Variants in TNPO2 observed in about 807,000 individuals in gnomAD.
TNPO2 encodes transportin-2.
A neutral mutation model predicts 111.1 loss-of-function variants in TNPO2; 16 were observed. That is an observed-to-expected ratio of 0.14 (90% CI 0.10 to 0.22). TNPO2 has a LOEUF of 0.22. Ranked by LOEUF, TNPO2 falls within the 10% of genes least tolerant of loss-of-function variation. TNPO2 has a pLI of 1.00. For synonymous variants in TNPO2, 481 were observed against 475.8 expected (o/e 1.01, Z -0.14); for missense variants, 530 against 1,173.7 (o/e 0.45, Z 8.01).
Position 12,700,697 on chromosome 19 carries a change from C to T in TNPO2, c.*567G>A, listed in dbSNP as rs1041958390. On this transcript the variant is annotated 3_prime_UTR_variant, in exon 26 of 26. Transcript: ENST00000425528. ...GTCACCGCCAATTCCGGCAAAACAG[C>T]AGAAGCTTCTTAAACTCTAGATGCA... is the stretch of plus-strand genomic sequence containing the variant. 1 of 135,742 alleles carries T rather than the reference C, an allele frequency of 7.4e-6. No homozygotes were observed. Among genetic ancestry groups the T allele is most frequent in the Admixed American group, 8.6e-5 (1 of 11,600 alleles). 8.4% of individuals were successfully genotyped at this position (135,742 alleles called of 1,614,324 possible). A position where few individuals can be genotyped will look rare whatever the true frequency, so the allele number is the denominator to read the frequency against.
At chr19:12,722,529 C>T (rs1327225675) in intron 2 of TNPO2, 1 of 135,076 alleles carries the variant, frequency 7.4e-6, no homozygotes, top group African/African-American at 2.9e-5. Context: ...TCCAGAGACT[C>T]GCGCGGAAGG....
In TNPO2 at chr19:12,719,795, T is replaced by C. The variant is rs2026568677; in HGVS notation, c.100-459A>G. Reference sequence around the variant, plus strand: ...GTCTGGGCGACAGAGCAAGACTCCATCTTGAAAAAAAAAAAAATCATACAA... The same window carrying C: ...GTCTGGGCGACAGAGCAAGACTCCACCTTGAAAAAAAAAAAAATCATACAA... On this transcript the variant is annotated intron_variant, in intron 3 of 25. Coordinates refer to ENST00000425528, the MANE Select transcript of TNPO2 (RefSeq NM_001382241.1). This position sits in a 1 kb window ranked among gnomAD's most constrained non-coding sequence, Gnocchi z 5.0. Among the ~76,000 whole-genome samples, 1 of 138,858 alleles carries C rather than the reference T, an allele frequency of 7.2e-6. No individual in the cohort carries two copies. The allele number at this position is 138,858 out of a possible 152,430, so 91.1% of individuals were successfully genotyped here. A position where few individuals can be genotyped will look rare whatever the true frequency, so the allele number is the denominator to read the frequency against.
At chr19:12,704,687 TTTC>T (rs2025531551) in intron 18 of TNPO2, among the ~76,000 whole-genome samples, 1 of 151,960 alleles carries the variant, frequency 6.6e-6, no homozygotes, top group Non-Finnish European at 1.5e-5. Context: ...TTTTCTTTTC[TTTC>T]TTTTTTTTTG....
intron 10 of TNPO2, among the ~76,000 whole-genome samples, chr19:12,713,149 T>C (rs916019307): frequency 3.3e-5 from 5 of 152,104 alleles, no homozygotes; most frequent in Non-Finnish European, 7.4e-5. Flanking sequence ...TAGCACAACA[T>C]TAAGGCAGGG....
At chr19:12,712,856 A>G (rs920534849) in intron 10 of TNPO2, among the ~76,000 whole-genome samples, 9 of 151,676 alleles carry the variant, frequency 5.9e-5, no homozygotes, top group African/African-American at 2.2e-4. Context: ...TTATTTCTAC[A>G]CTCTCTCATC....
In TNPO2 at chr19:12,702,213, G is replaced by A. The variant is rs545804517; in HGVS notation, c.2306-36C>T. The A allele has an allele frequency of 2.9e-5, 45 of 1,571,766 alleles. No individual in the cohort carries two copies. Among genetic ancestry groups the A allele is most frequent in the African/African-American group, 1.4e-4 (10 of 73,958 alleles). On this transcript the variant is annotated intron_variant, in intron 21 of 25. Transcript: ENST00000425528. This position sits in a 1 kb window ranked among gnomAD's most constrained non-coding sequence, Gnocchi z 5.5. ...GAGCGGCCCCGGGACGGTACGTGGC[G>A]GGGCCTCTGGCACAAGGCACCAAGC...
At position 12,721,086 on chromosome 19, in the gene TNPO2, G is replaced by A; in HGVS notation, c.-13-96C>T. ...AGGCCGCGGTGGCCGCATGACGACGGGAACGCCCTCGGCGGACAGGCGGAG... is the reference window on the plus strand; with the variant it reads ...AGGCCGCGGTGGCCGCATGACGACGAGAACGCCCTCGGCGGACAGGCGGAG... On this transcript the variant is annotated intron_variant, in intron 2 of 25. Coordinates refer to ENST00000425528, the MANE Select transcript of TNPO2 (RefSeq NM_001382241.1). This position sits in a 1 kb window ranked among gnomAD's most constrained non-coding sequence, Gnocchi z 4.9. The A allele has an allele frequency of 6.5e-7, 1 of 1,529,980 alleles. No individual in the cohort carries two copies. 94.8% of individuals were successfully genotyped at this position (1,529,980 alleles called of 1,614,324 possible).
rs1431559188 is a variant in TNPO2, at chr19:12,706,617, G to A, written c.1449C>T (p.Leu483=). The A allele has an allele frequency of 1.9e-6, 3 of 1,614,044 alleles. No individual in the cohort carries two copies. The highest frequency in any genetic ancestry group is 2.5e-6 in the Non-Finnish European group (3 of 1,179,940). Residue 483 remains leucine (L), a synonymous_variant, in exon 14 of 26, where the codon CTC becomes CTT. Transcript: ENST00000425528. The surrounding 1 kb of genome is among the most constrained non-coding windows in gnomAD (Gnocchi z 7.0). ...TCTTGTTGCCATCCAGGATGCGTTT[G>A]AGCAGCTCTGTCATCAGGGGCTTGA... ...MHLKPLMTEL[L]KRILDGNKRV...
chr19:12,723,008 G>C (rs926795137), intron 2 of TNPO2, among the ~76,000 whole-genome samples: 3 of 152,128 alleles, frequency 2.0e-5, no homozygotes, highest in Admixed American at 6.5e-5. Flanking sequence ...CTGTGTGTGC[G>C]CAAGGAAAGA....
chr19:12,711,929 C>T lies in TNPO2; in HGVS notation c.891-316G>A, dbSNP rs1018808904. Among the ~76,000 whole-genome samples, 71 of 150,902 alleles carry T rather than the reference C, an allele frequency of 4.7e-4. 1 individual carries two copies. Among genetic ancestry groups the T allele is most frequent in the African/African-American group, 1.6e-3 (66 of 41,008 alleles). On this transcript the variant is annotated intron_variant, in intron 10 of 25. Transcript: ENST00000425528. ...TGTGGGCGGCAAGCCACCCAGGCAC[C>T]GAGGCAAGAGACAGAGGACACGAGC...
Position 12,701,552 on chromosome 19 carries a change from C to G in TNPO2, c.2586+46G>C. The G allele has an allele frequency of 6.2e-7, 1 of 1,609,760 alleles. No homozygotes were observed. ...CCCCATTGTTACCAGATGGTCTCACCCCTGCCTGCTCCCGGAACTAGATCA... is the reference window on the plus strand; with the variant it reads ...CCCCATTGTTACCAGATGGTCTCACGCCTGCCTGCTCCCGGAACTAGATCA... On this transcript the variant is annotated intron_variant, in intron 24 of 25. Transcript: ENST00000425528. This position sits in a 1 kb window ranked among gnomAD's most constrained non-coding sequence, Gnocchi z 5.0.
chr19:12,710,703 G>C lies in TNPO2; in HGVS notation c.1188C>G (p.Leu396=), dbSNP rs1386152620. The C allele has an allele frequency of 5.0e-6, 8 of 1,613,688 alleles. No homozygotes were observed. Among genetic ancestry groups the C allele is most frequent in the Non-Finnish European group, 6.8e-6 (8 of 1,179,770 alleles). ...VFREELLPHL[L]PLLKGLLFHP... ...GGAAGAGGAGGCCTTTGAGTAGTGG[G>C]AGTAGGTGGGGCAGCAGTTCCTCCC... The change falls in exon 13 of 26, where the codon CTC becomes CTG. Residue 396 remains leucine, a synonymous_variant. Coordinates refer to ENST00000425528, the MANE Select transcript of TNPO2 (RefSeq NM_001382241.1).
rs968773945 is a variant in TNPO2, at chr19:12,701,225, C to T, written c.*39G>A. On this transcript the variant is annotated 3_prime_UTR_variant, in exon 26 of 26. Transcript: ENST00000425528. The surrounding 1 kb of genome is among the most constrained non-coding windows in gnomAD (Gnocchi z 5.0). ...GCGCACTCCCCAGTAATCCCTCCGA[C>T]GACGACGCAGACAGAAACCTGCAGG... is the stretch of plus-strand genomic sequence containing the variant. The T allele has an allele frequency of 1.2e-5, 9 of 775,574 alleles. No individual in the cohort carries two copies. Among genetic ancestry groups the T allele is most frequent in the Admixed American group, 2.7e-5 (1 of 37,596 alleles). 48.0% of individuals were successfully genotyped at this position (775,574 alleles called of 1,614,324 possible).
chr19:12,703,162 C>G (rs2025424756), intron 20 of TNPO2: 4 of 584,488 alleles, frequency 6.8e-6, no homozygotes, highest in Non-Finnish European at 9.1e-6. Flanking sequence ...ACACGCTGCC[C>G]AAGTCAAAGG....
intron 12 of TNPO2, among the ~76,000 whole-genome samples, chr19:12,711,087 G>A (rs750835988): frequency 4.6e-5 from 7 of 152,100 alleles, no homozygotes; most frequent in Non-Finnish European, 1.0e-4. Flanking sequence ...GTAGAGACGG[G>A]GTTTCACTGT....
Position 12,702,274 on chromosome 19 carries a change from G to A in TNPO2, c.2306-97C>T, listed in dbSNP as rs2025362119. Reference sequence around the variant, plus strand: ...GAGCCCCAAGGGAATGGCTACTGCAGCCACCCTGGTCCCCCAAGCTTGGCC... The same window carrying A: ...GAGCCCCAAGGGAATGGCTACTGCAACCACCCTGGTCCCCCAAGCTTGGCC... On this transcript the variant is annotated intron_variant, in intron 21 of 25. Coordinates refer to ENST00000425528, the MANE Select transcript of TNPO2 (RefSeq NM_001382241.1). This position sits in a 1 kb window ranked among gnomAD's most constrained non-coding sequence, Gnocchi z 5.5. 1 of 1,059,596 alleles carries A rather than the reference G, an allele frequency of 9.4e-7. No individual in the cohort carries two copies. The highest frequency in any genetic ancestry group is 2.6e-5 in the East Asian group (1 of 38,796). The allele number at this position is 1,059,596 out of a possible 1,614,324, so 65.6% of individuals were successfully genotyped here.
At chr19:12,714,303 A>G (rs919030690) in intron 10 of TNPO2, among the ~76,000 whole-genome samples, 1 of 147,956 alleles carries the variant, frequency 6.8e-6, no homozygotes, top group African/African-American at 2.5e-5. Flanking sequence ...GCCTTTGTTG[A>G]TTTTTCATTT....
chr19:12,707,331 T>C (rs1467225437), intron 13 of TNPO2, among the ~76,000 whole-genome samples: 1 of 152,188 alleles, frequency 6.6e-6, no homozygotes, highest in Non-Finnish European at 1.5e-5. Context: ...ATTCAATTCA[T>C]GCATTAATTC....
rs773682053 is a variant in TNPO2 at position 12,703,413 on chromosome 19, T to C, written c.2209+15A>G. ...GCTAATGGGGGGCGCGTGTTGCCAC[T>C]TGCAGGGCACTCACCCATCTGCATG... On this transcript the variant is annotated intron_variant, in intron 20 of 25. Coordinates refer to ENST00000425528, the MANE Select transcript of TNPO2 (RefSeq NM_001382241.1). The C allele has an allele frequency of 1.9e-6, 3 of 1,612,140 alleles. No individual in the cohort carries two copies. Among genetic ancestry groups the C allele is most frequent in the Admixed American group, 3.3e-5 (2 of 60,016 alleles).
Sources: allele counts gnomAD v4.1 joint callset (sites outside exome capture counted in the v4.1 genomes callset), GRCh38; gene constraint gnomAD v4.1.1; non-coding constraint Gnocchi (gnomAD v3.1); transcripts MANE v1.5; gene names NCBI Gene and HGNC (gene_info 2026-07-23, HGNC 2026-07-21).